Variants in TGM5 observed in about 807,000 individuals in gnomAD.
The protein encoded by TGM5 is protein-glutamine gamma-glutamyltransferase 5.
In TGM5, 69 loss-of-function variants were observed where a neutral mutation model predicts 77.2. That is an observed-to-expected ratio of 0.89 (90% CI 0.74 to 1.09). The LOEUF (loss-of-function observed/expected upper bound fraction) is 1.09, where lower values mean the gene tolerates loss of function less well. Among genes scored for constraint, TGM5 ranks in the 50% least tolerant of loss-of-function variants. TGM5 has a pLI of 0.00. For synonymous variants in TGM5, 346 were observed against 351.8 expected (o/e 0.98, Z 0.18); for missense variants, 842 against 896.5 (o/e 0.94, Z 0.78).
chr15:43,233,894 C>T (rs1299663508), intron 11 of TGM5, among the ~76,000 whole-genome samples: 1 of 152,150 alleles, frequency 6.6e-6, no homozygotes, highest in Non-Finnish European at 1.5e-5. Flanking sequence ...AAAAGCAGGA[C>T]ATAAATTTAC....
intron 1 of TGM5, among the ~76,000 whole-genome samples, chr15:43,261,778 C>T (rs1373871348): frequency 6.6e-6 from 1 of 152,206 alleles, no homozygotes; most frequent in African/African-American, 2.4e-5. Context: ...AACGTCTTCT[C>T]ATACCGAGTC....
In TGM5 at chr15:43,235,476, A is replaced by T; in HGVS notation, c.1707T>A (p.Pro569=). The change falls in exon 10 of 13, where the codon CCT becomes CCA. Residue 569 remains proline (P), a synonymous_variant. Coordinates refer to ENST00000220420, the MANE Select transcript of TGM5 (RefSeq NM_201631.4). ...AACTGTGCACATGCGTACCTTCTTT[A>T]GGAGAGAGTGTGATGAACGCTGTGT... ...WQDTAFITLS[P]KEAKTYPCKI... 6.2e-7 allele frequency: 1 copy of T among 1,614,124 alleles called. No individual in the cohort carries two copies. Among genetic ancestry groups the T allele is most frequent in the Non-Finnish European group, 8.5e-7 (1 of 1,180,018 alleles).
intron 6 of TGM5, among the ~76,000 whole-genome samples, chr15:43,245,020 A>G (rs2042661239): frequency 6.6e-6 from 1 of 152,034 alleles, no homozygotes; most frequent in African/African-American, 2.4e-5. Flanking sequence ...AGTGAGCCAT[A>G]ATGGCGCCAC....
chr15:43,260,389 G>C lies in TGM5; in HGVS notation c.190+11C>G. 6.2e-7 allele frequency: 1 copy of C among 1,614,170 alleles called. No homozygotes were observed. The highest frequency in any genetic ancestry group is 8.5e-7 in the Non-Finnish European group (1 of 1,180,026). On this transcript the variant is annotated intron_variant, in intron 2 of 12. Coordinates refer to ENST00000220420, the MANE Select transcript of TGM5 (RefSeq NM_201631.4). ...CACACACAGCCCCTGTGAGCCAGCT[G>C]GGGTTCTTACCAGTTTCAACCACGA...
intron 4 of TGM5, among the ~76,000 whole-genome samples, chr15:43,255,576 G>T (rs530877850): frequency 6.0e-4 from 91 of 152,148 alleles, no homozygotes; most frequent in Non-Finnish European, 1.2e-3. Context: ...GGGCTGGAAG[G>T]ACACATATGT....
At chr15:43,266,781 A>G in intron 1 of TGM5, 59 bp downstream of exon 1, 1 of 1,608,632 alleles carries the variant, frequency 6.2e-7, no homozygotes, top group Non-Finnish European at 8.5e-7. Flanking sequence ...TTGACTTCCT[A>G]CAGTCTCTCT....
In TGM5 at chr15:43,252,762, T is replaced by C; in HGVS notation, c.859A>G (p.Thr287Ala). The C allele has an allele frequency of 6.2e-7, 1 of 1,613,804 alleles. No homozygotes were observed. The highest frequency in any genetic ancestry group is 8.5e-7 in the Non-Finnish European group (1 of 1,180,034). ...QCWVFAAVMC[T>A]VMRCLGIPTR... ...TGGGGTCCTTTCTACCTCCTACCTG[T>C]GCACATGACGGCAGCAAAGACCCAG... The change falls in exon 6 of 13, where the codon ACA becomes GCA. Residue 287 changes from threonine (T) to alanine (A), a missense_variant. Physicochemically the swap from Thr to Ala is moderately conservative, Grantham distance 58. Transcript: ENST00000220420.
In TGM5 at chr15:43,260,558, T is replaced by C. The variant is rs1455040462; in HGVS notation, c.32A>G (p.Asp11Gly). Residue 11 changes from aspartate (D) to glycine (G), a missense_variant, in exon 2 of 13, where the codon GAC (aspartate) becomes GGC (glycine). Physicochemically the swap from Asp to Gly is moderately conservative, Grantham distance 94. Coordinates refer to ENST00000220420, the MANE Select transcript of TGM5 (RefSeq NM_201631.4). The part of the protein sequence containing the change: MAQGLEVALT[D>G]LQSSRNNVRH... ...CACATTATTTCTGGAGCTCTGGAGG[T>C]CTGTGAGGGCCACTTCTAGCCCTGC... 2 of 1,613,984 alleles carry C rather than the reference T, an allele frequency of 1.2e-6. No homozygotes were observed. Among genetic ancestry groups the C allele is most frequent in the Admixed American group, 3.3e-5 (2 of 60,012 alleles).
In TGM5 at chr15:43,250,275, AG is replaced by A. The variant is rs2042695392; in HGVS notation, c.862+2483del. Among the ~76,000 whole-genome samples the A allele has an allele frequency of 2.6e-5, 4 of 152,198 alleles. No homozygotes were observed. In the South Asian group the frequency reaches 6.2e-4, roughly 24 times the overall value. ...CTGATGCTTCCTGAACACTCACTAT[AG>A]CCAGGCACTATTCTAAGCACTCTCC... On this transcript the variant is annotated intron_variant, in intron 6 of 12. Coordinates refer to ENST00000220420, the MANE Select transcript of TGM5 (RefSeq NM_201631.4).
Position 43,239,081 on chromosome 15 carries a change from G to T in TGM5, c.1106-25C>A, listed in dbSNP as rs531313144. The T allele has an allele frequency of 3.1e-6, 5 of 1,614,028 alleles. No homozygotes were observed. The South Asian group carries it at 5.5e-5, about 18-fold the overall frequency. Reference sequence around the variant, plus strand: ...CCTGAAGGAGAACAGGGGAGCCTCGGTGGGCTGTTTGTTGCAGGGCTGGGC... The same window carrying T: ...CCTGAAGGAGAACAGGGGAGCCTCGTTGGGCTGTTTGTTGCAGGGCTGGGC... On this transcript the variant is annotated intron_variant, in intron 8 of 12. Coordinates refer to ENST00000220420, the MANE Select transcript of TGM5 (RefSeq NM_201631.4).
intron 9 of TGM5, among the ~76,000 whole-genome samples, chr15:43,237,046 A>C (rs2042595652): frequency 6.6e-6 from 1 of 151,664 alleles, no homozygotes; most frequent in African/African-American, 2.4e-5. Context: ...GTGCGACCCC[A>C]GACCCTGTCA....
chr15:43,236,732 C>G (rs2042593072), intron 9 of TGM5, among the ~76,000 whole-genome samples: 1 of 152,024 alleles, frequency 6.6e-6, no homozygotes, highest in African/African-American at 2.4e-5. Flanking sequence ...TTTGGGAGGC[C>G]AAGGAGGGTG....
At position 43,260,163 on chromosome 15, in the gene TGM5, T is replaced by G; in HGVS notation, c.325A>C (p.Thr109Pro). ...AAGAGGTACCGACCCACGGCCGCCG[T>G]GGGAGGAGCGCACAAGCTCACCTCT... ...STEVSLCAPPTAAVGRYLLKI... is the reference protein window; with the variant it reads ...STEVSLCAPPPAAVGRYLLKI... The change falls in exon 3 of 13, where the codon ACG becomes CCG. Residue 109 changes from threonine (T) to proline (P), a missense_variant. By Grantham distance (38) the Thr-to-Pro change is conservative (BLOSUM62 -1). Transcript: ENST00000220420. The G allele has an allele frequency of 6.2e-7, 1 of 1,614,044 alleles. No homozygotes were observed.
intron 1 of TGM5, among the ~76,000 whole-genome samples, chr15:43,264,466 T>C (rs2042811736): frequency 6.6e-6 from 1 of 152,090 alleles, no homozygotes; most frequent in South Asian, 2.1e-4. Flanking sequence ...ACATACTAAA[T>C]ATGGATGAAC....
At chr15:43,247,950 A>G (rs1219762241) in intron 6 of TGM5, among the ~76,000 whole-genome samples, 1 of 152,206 alleles carries the variant, frequency 6.6e-6, no homozygotes, top group Non-Finnish European at 1.5e-5. Flanking sequence ...ATGTTTCCCT[A>G]TCATGCAGAG....
intron 6 of TGM5, chr15:43,241,233 A>G: frequency 1.8e-6 from 1 of 560,122 alleles, no homozygotes; most frequent in South Asian, 1.9e-5. Flanking sequence ...CTGAGCCAGT[A>G]AAGTCTAGCA....
chr15:43,260,578 C>A lies in TGM5; in HGVS notation c.12G>T (p.Gly4=), dbSNP rs778929521. Residue 4 remains glycine, a splice_region_variant and synonymous_variant, in exon 2 of 13, where the codon GGG becomes GGT. Transcript: ENST00000220420. MAQ[G]LEVALTDLQS... is the part of the protein sequence containing the mutation. ...GGAGGTCTGTGAGGGCCACTTCTAG[C>A]CCTGCAATGGGGCAGCCAGGGTTAG... 2 of 1,614,124 alleles carry A rather than the reference C, an allele frequency of 1.2e-6. No individual in the cohort carries two copies. The highest frequency in any genetic ancestry group is 1.7e-6 in the Non-Finnish European group (2 of 1,179,984).
rs2042782889 is a variant in TGM5 at position 43,261,061 on chromosome 15, TTTTTTTGTGTGTGTG to T, written c.11-497_11-483del. ...AACTCCTTGGGCTAGCTGCTCTTCC[TTTTTTTGTGTGTGTG>T]TTTTTTTTTTTTTTTTTTTTTTTTT... On this transcript the variant is annotated intron_variant, in intron 1 of 12. Transcript: ENST00000220420. Among the ~76,000 whole-genome samples, 5 of 39,924 alleles carry T rather than the reference TTTTTTTGTGTGTGTG, an allele frequency of 1.3e-4. 2 individuals carry two copies. In the African/African-American group the frequency reaches 1.3e-3, roughly 11 times the overall value. The allele number at this position is 39,924 out of a possible 152,430, so 26.2% of individuals were successfully genotyped here.
intron 6 of TGM5, among the ~76,000 whole-genome samples, chr15:43,242,226 G>T (rs2042641957): frequency 1.3e-5 from 2 of 152,210 alleles, no homozygotes; most frequent in South Asian, 4.1e-4. Flanking sequence ...TAAAATCCTG[G>T]TTTCACTGCT....
Sources: allele counts gnomAD v4.1 joint callset (sites outside exome capture counted in the v4.1 genomes callset), GRCh38; gene constraint gnomAD v4.1.1; transcripts MANE v1.5; gene names NCBI Gene and HGNC (gene_info 2026-07-23, HGNC 2026-07-21).